The following FGGY variants were observed in gnomAD, a reference collection of about 807,000 sequenced individuals.
The protein encoded by FGGY is FGGY carbohydrate kinase domain-containing protein.
FGGY carries 72 observed loss-of-function variants against 71.3 expected under a neutral mutation model. The ratio of observed to expected loss-of-function variants is 1.01; its 90% CI spans 0.84 to 1.23. The LOEUF is 1.23. Among genes scored for constraint, FGGY ranks in the 50% most tolerant of loss-of-function variants. The probability of loss-of-function intolerance (pLI) is 0.00; values close to 1 mark genes in which losing one functional copy is unlikely to be tolerated. For missense variants in FGGY, 668 were observed against 682.3 expected (o/e 0.98, Z 0.23); for synonymous variants, 251 against 250.3 (o/e 1.00, Z -0.02).
chr1:59,462,206 G>A (rs1486009785), intron 6 of FGGY, among the ~76,000 whole-genome samples: 1 of 152,142 alleles, frequency 6.6e-6, no homozygotes, highest in Non-Finnish European at 1.5e-5. Flanking sequence ...AAGAAATGGG[G>A]AAAGGATTCC....
chr1:59,587,509 C>A (rs1282337859), intron 8 of FGGY, among the ~76,000 whole-genome samples: 1 of 152,158 alleles, frequency 6.6e-6, no homozygotes, highest in Non-Finnish European at 1.5e-5. Flanking sequence ...GGGTCCCTGA[C>A]CCCTGACCCC....
intron 14 of FGGY, among the ~76,000 whole-genome samples, chr1:59,734,691 C>T (rs2101043124): frequency 6.6e-6 from 1 of 152,374 alleles, no homozygotes; most frequent in Admixed American, 6.5e-5. Flanking sequence ...CCCTCCTCTC[C>T]CCTCTCAGTG....
Position 59,446,459 on chromosome 1 carries a change from T to G in FGGY, c.555-10502T>G, listed in dbSNP as rs143082081. Among the ~76,000 whole-genome samples the G allele has an allele frequency of 3.2e-3, 489 of 152,284 alleles. 1 individual carries two copies. The highest frequency in any genetic ancestry group is 0.011 in the South Asian group (53 of 4,826). On this transcript the variant is annotated intron_variant, in intron 5 of 15. Transcript: ENST00000303721. ...TCACGGGCCTGTCAGCAAGTCTTGATGAAGTACAGAGCCAATAGTAACAGG... is the reference window on the plus strand; with the variant it reads ...TCACGGGCCTGTCAGCAAGTCTTGAGGAAGTACAGAGCCAATAGTAACAGG...
At chr1:59,363,953 A>G (rs546746197) in intron 4 of FGGY, among the ~76,000 whole-genome samples, 1 of 152,312 alleles carries the variant, frequency 6.6e-6, no homozygotes, top group South Asian at 2.1e-4. Context: ...GGAACTCTGC[A>G]ACAGTGGTGT....
At chr1:59,345,024 A>C (rs924268590) in intron 3 of FGGY, among the ~76,000 whole-genome samples, 6 of 152,108 alleles carry the variant, frequency 3.9e-5, no homozygotes, top group Non-Finnish European at 5.9e-5. Context: ...CACTTTGTGC[A>C]TTTCCCAGCT....
chr1:59,318,453 C>T (rs2045838746), intron 1 of FGGY: 1 of 152,200 alleles, frequency 6.6e-6, no homozygotes, highest in Non-Finnish European at 1.5e-5. Flanking sequence ...AGGGTGGGCT[C>T]CTGCCAGAAA....
intron 14 of FGGY, among the ~76,000 whole-genome samples, chr1:59,682,294 A>T (rs747646677): frequency 3.9e-5 from 6 of 152,232 alleles, no homozygotes; most frequent in Admixed American, 1.3e-4. Flanking sequence ...CTAAGTGATT[A>T]CCATTACTTT....
In FGGY at chr1:59,487,677, C is replaced by CTGAAACTGATGAT. The variant is rs541748738; in HGVS notation, c.671-24632_671-24620dup. Among the ~76,000 whole-genome samples the CTGAAACTGATGAT allele has an allele frequency of 2.6e-3, 391 of 152,228 alleles. 1 individual carries two copies. Among genetic ancestry groups the CTGAAACTGATGAT allele is most frequent in the Non-Finnish European group, 4.8e-3 (329 of 67,992 alleles). On this transcript the variant is annotated intron_variant, in intron 6 of 15. Transcript: ENST00000303721. ...TGGTGCTTCTCTGATACAGAAACCC[C>CTGAAACTGATGAT]TGAAACTGATGATTATCCAGAAATA... is the stretch of plus-strand genomic sequence containing the variant.
intron 7 of FGGY, among the ~76,000 whole-genome samples, chr1:59,516,477 C>CTA (rs1315192278): frequency 6.6e-6 from 1 of 152,218 alleles, no homozygotes. Flanking sequence ...TATTGTGATG[C>CTA]TATGACAAGG....
chr1:59,720,925 G>C (rs938371759), intron 14 of FGGY, among the ~76,000 whole-genome samples: 2 of 152,154 alleles, frequency 1.3e-5, no homozygotes, highest in Admixed American at 6.5e-5. Context: ...TGCCCCAGCA[G>C]GTCTGGCTTC....
intron 14 of FGGY, among the ~76,000 whole-genome samples, chr1:59,730,374 T>TAA (rs1233230427): frequency 6.6e-6 from 1 of 151,714 alleles, no homozygotes; most frequent in Non-Finnish European, 1.5e-5. Context: ...GTTGGAGCTA[T>TAA]AACCACAAGT....
chr1:59,696,245 CTGG>C, intron 14 of FGGY, among the ~76,000 whole-genome samples: 1 of 152,280 alleles, frequency 6.6e-6, no homozygotes. Flanking sequence ...ATTCTACGTC[CTGG>C]TTTATAGACA....
At chr1:59,699,364 T>G in intron 14 of FGGY, 1 of 985,386 alleles carries the variant, frequency 1.0e-6, no homozygotes, top group South Asian at 4.7e-5. Flanking sequence ...TTATTGAAAG[T>G]GTTTCATATT....
At position 59,762,541 on chromosome 1, in the gene FGGY, T is replaced by C; in HGVS notation, c.1613T>C (p.Val538Ala). The C allele has an allele frequency of 6.2e-7, 1 of 1,613,908 alleles. No individual in the cohort carries two copies. Among genetic ancestry groups the C allele is most frequent in the Non-Finnish European group, 8.5e-7 (1 of 1,179,882 alleles). The change falls in exon 16 of 16, where the codon GTT (valine) becomes GCT (alanine). Residue 538 changes from valine (V) to alanine (A), a missense_variant. Val to Ala is a moderately conservative substitution (Grantham distance 64). Transcript: ENST00000303721. ...DKKYQVFLKL[V>A]EHQKEYLAIM... ...AAATACCAAGTATTCCTGAAGCTGG[T>C]TGAACACCAGAAGGAGTATTTGGCG...
chr1:59,554,152 C>G lies in FGGY; in HGVS notation c.828C>G (p.His276Gln). 6.2e-7 allele frequency: 1 copy of G among 1,612,680 alleles called. No homozygotes were observed. Among genetic ancestry groups the G allele is most frequent in the Non-Finnish European group, 8.5e-7 (1 of 1,178,846 alleles). Residue 276 changes from histidine to glutamine, a missense_variant, in exon 8 of 16, where the codon CAC (histidine) becomes CAG (glutamine). By Grantham distance (24) the His-to-Gln change is conservative. Around this residue, in one of 2 missense-constraint regions of FGGY, gnomAD observed 661 missense variants for 661.6 expected, o/e 1.00. Transcript: ENST00000303721. ...TGATTGGGGCAGATGTGAGAGGGCA[C>G]GGCCTCATCTGTGAGGGGCAGCCAG... ...LGVIGADVRG[H>Q]GLICEGQPVT...
At chr1:59,590,547 C>G (rs1054006419) in intron 8 of FGGY, among the ~76,000 whole-genome samples, 2 of 152,218 alleles carry the variant, frequency 1.3e-5, no homozygotes, top group East Asian at 3.9e-4. Flanking sequence ...CAATAAAATA[C>G]TGGCAAACCG....
At chr1:59,627,825 C>T (rs1480664150) in intron 10 of FGGY, among the ~76,000 whole-genome samples, 1 of 152,018 alleles carries the variant, frequency 6.6e-6, no homozygotes, top group Non-Finnish European at 1.5e-5. Flanking sequence ...CAGTGGCCTA[C>T]TCAGGATAAA....
intron 1 of FGGY, among the ~76,000 whole-genome samples, chr1:59,301,539 A>AG (rs1278367933): frequency 1.3e-5 from 2 of 151,874 alleles, no homozygotes; most frequent in East Asian, 3.9e-4. Context: ...AGATGCATTC[A>AG]TTTTTTCATT....
intron 6 of FGGY, among the ~76,000 whole-genome samples, chr1:59,507,598 C>A (rs1277333355): frequency 1.3e-5 from 2 of 151,710 alleles, no homozygotes; most frequent in Non-Finnish European, 1.5e-5. Context: ...CTTACTGCAA[C>A]CTCTGCCTTC....
Sources: allele counts gnomAD v4.1 joint callset (sites outside exome capture counted in the v4.1 genomes callset), GRCh38; gene constraint gnomAD v4.1.1; regional missense constraint gnomAD v4.1.1; transcripts MANE v1.5; gene names NCBI Gene and HGNC (gene_info 2026-07-23, HGNC 2026-07-21).